ZNF254: variants seen among roughly 807,000 people sequenced by gnomAD.
ZNF254 encodes zinc finger protein 254.
A neutral mutation model predicts 12.4 loss-of-function variants in ZNF254; 10 were observed. The ratio of observed to expected loss-of-function variants is 0.80; its 90% confidence interval spans 0.50 to 1.36. The LOEUF (loss-of-function observed/expected upper bound fraction) is 1.36. Among genes scored for constraint, ZNF254 ranks in the 40% most tolerant of loss-of-function variants. The pLI, the probability that ZNF254 is intolerant of heterozygous loss-of-function variation, is 0.00. For missense variants in ZNF254, 996 were observed against 763.9 expected, an observed-to-expected ratio of 1.30 and a Z score of -3.58; for synonymous variants, 305 against 253.4, an observed-to-expected ratio of 1.20 and a Z score of -1.93.
At chr19:24,120,545 T>C (rs1292483804) in intron 3 of ZNF254, among the ~76,000 whole-genome samples, 2 of 152,172 alleles carry the variant, frequency 1.3e-5, no homozygotes, top group Non-Finnish European at 2.9e-5. Context: ...TAAAGATTTC[T>C]ACATTTGTAT....
chr19:24,073,622 G>A (rs146527290), intron 2 of ZNF254, among the ~76,000 whole-genome samples: 4 of 152,248 alleles, frequency 2.6e-5, no homozygotes, highest in Admixed American at 6.5e-5. Flanking sequence ...TTTGGAGGTA[G>A]CCAAAAGCTG....
rs1555753129 is a variant in ZNF254 at position 24,055,232 on chromosome 19, A to AAAAAAAAAAAAAAAAAAAAAAAAG, written c.-94+8953_-94+8954insAAAAAAAAAAAAAAAAAAAAAAAG. 1.2e-4 allele frequency among the ~76,000 whole-genome samples: 15 copies of AAAAAAAAAAAAAAAAAAAAAAAAG among 122,542 alleles called. 1 individual carries two copies. The highest frequency in any genetic ancestry group is 1.8e-4 in the Non-Finnish European group (10 of 55,432). 80.4% of individuals were successfully genotyped at this position (122,542 alleles called of 152,430 possible). On this transcript the variant is annotated intron_variant, in intron 2 of 4. Transcript: ENST00000613065. ...AAAAAAAAAAAAAAAAAAAAAAAAA[A>AAAAAAAAAAAAAAAAAAAAAAAAG]GAGTGTACTAACAAGACCCAGCACA...
chr19:24,047,246 C>CT (rs1043034292), intron 2 of ZNF254, among the ~76,000 whole-genome samples: 10 of 151,524 alleles, frequency 6.6e-5, no homozygotes, highest in Admixed American at 1.3e-4. Flanking sequence ...TTCTCTCTTC[C>CT]TTTTTTTTGT....
chr19:24,106,494 G>T, intron 2 of ZNF254, 54 bp from the exon 3 acceptor site: 1 of 1,408,862 alleles, frequency 7.1e-7, no homozygotes, highest in Non-Finnish European at 9.8e-7. Flanking sequence ...ACATTACTAA[G>T]TTGGTAATTG....
chr19:24,110,667 C>A lies in ZNF254; in HGVS notation c.253+4024C>A, dbSNP rs189391227. ...ATCTTGTAAAACTAAAACTCAATAT[C>A]CCTTAAATAACATTTACCTATTTTA... On this transcript the variant is annotated intron_variant, in intron 3 of 3. Coordinates refer to ENST00000357002, the MANE Select transcript of ZNF254 (RefSeq NM_203282.4). Among the ~76,000 whole-genome samples the A allele has an allele frequency of 1.8e-3, 268 of 152,230 alleles. 3 individuals carry two copies. The East Asian group carries it at 0.034, about 20-fold the overall frequency.
At chr19:24,043,387 G>A (rs139890865) in intron 1 of ZNF254, among the ~76,000 whole-genome samples, 134 of 152,060 alleles carry the variant, frequency 8.8e-4, no homozygotes, top group Non-Finnish European at 1.5e-3. Flanking sequence ...TCAGCCTCCC[G>A]AGTAGCTGGT....
chr19:24,056,616 T>C (rs1970867095), intron 2 of ZNF254, among the ~76,000 whole-genome samples: 1 of 152,204 alleles, frequency 6.6e-6, no homozygotes, highest in Non-Finnish European at 1.5e-5. Flanking sequence ...GACATATCTT[T>C]AAGAGCATCA....
intron 2 of ZNF254, among the ~76,000 whole-genome samples, chr19:24,076,238 T>A (rs1971653725): frequency 6.6e-6 from 1 of 152,218 alleles, no homozygotes; most frequent in Non-Finnish European, 1.5e-5. Flanking sequence ...CTTCACAATT[T>A]CTGTTCAGAG....
intron 1 of ZNF254, among the ~76,000 whole-genome samples, chr19:24,090,431 G>A (rs1972303455): frequency 6.6e-6 from 1 of 152,050 alleles, no homozygotes. Context: ...CACTTATTTT[G>A]ACCTAAGGCT....
At chr19:24,103,720 T>G (rs770186864) in intron 1 of ZNF254, 1 of 148,884 alleles carries the variant, frequency 6.7e-6, no homozygotes, top group Non-Finnish European at 1.5e-5. Context: ...TTCTTTCCTT[T>G]TCTTTTTCTT....
At chr19:24,053,373 G>A (rs751697284) in intron 2 of ZNF254, among the ~76,000 whole-genome samples, 1 of 152,090 alleles carries the variant, frequency 6.6e-6, no homozygotes, top group African/African-American at 2.4e-5. Context: ...CTCATACCTC[G>A]ACCTTAATTC....
At chr19:24,035,665 C>T (rs930531222) in intron 1 of ZNF254, among the ~76,000 whole-genome samples, 4 of 151,840 alleles carry the variant, frequency 2.6e-5, no homozygotes, top group South Asian at 4.2e-4. Context: ...GAGCGAGACT[C>T]GGTCTCAAAG....
chr19:24,035,079 G>C (rs2145151607), intron 1 of ZNF254, among the ~76,000 whole-genome samples: 1 of 152,354 alleles, frequency 6.6e-6, no homozygotes, highest in Non-Finnish European at 1.5e-5. Context: ...GAAAAAAAGT[G>C]GGAAGGGGAG....
intron 1 of ZNF254, among the ~76,000 whole-genome samples, chr19:24,095,443 A>C (rs1328428104): frequency 6.6e-6 from 1 of 152,200 alleles, no homozygotes; most frequent in Non-Finnish European, 1.5e-5. Flanking sequence ...TGCTTAAAAT[A>C]GTTTCTGTAG....
intron 2 of ZNF254, among the ~76,000 whole-genome samples, chr19:24,052,896 G>A (rs1459566563): frequency 6.6e-6 from 1 of 152,174 alleles, no homozygotes; most frequent in Admixed American, 6.5e-5. Flanking sequence ...AGGAAAATGA[G>A]TAATGTCTTG....
chr19:24,079,953 T>C (rs974359941), intron 2 of ZNF254: 2 of 152,192 alleles, frequency 1.3e-5, no homozygotes, highest in Non-Finnish European at 2.9e-5. Flanking sequence ...AGCTTTGTTT[T>C]AATAGTGTTT....
chr19:24,035,360 A>T (rs1969926369), intron 1 of ZNF254, among the ~76,000 whole-genome samples: 3 of 152,068 alleles, frequency 2.0e-5, no homozygotes, highest in Non-Finnish European at 4.4e-5. Flanking sequence ...GCGGGGTTTC[A>T]CCATGTTGGC....
intron 2 of ZNF254, among the ~76,000 whole-genome samples, chr19:24,059,348 C>T (rs1458296486): frequency 6.6e-6 from 1 of 152,154 alleles, no homozygotes; most frequent in Non-Finnish European, 1.5e-5. Flanking sequence ...TATTGTGTGG[C>T]CCAGAACTTA....
In ZNF254 at chr19:24,058,569, G is replaced by A. The variant is rs1441764766; in HGVS notation, c.-94+12290G>A. Among the ~76,000 whole-genome samples, 3 of 151,944 alleles carry A rather than the reference G, an allele frequency of 2.0e-5. No individual in the cohort carries two copies. The East Asian group carries it at 5.8e-4, about 29-fold the overall frequency. On this transcript the variant is annotated intron_variant, in intron 2 of 4. Coordinates refer to the ZNF254 transcript ENST00000613065. ...ATTACAGGCATGCGCCACCACGCCTGGCTAATTTTTGTATTTTTAGTAGAG... is the reference window on the plus strand; with the variant it reads ...ATTACAGGCATGCGCCACCACGCCTAGCTAATTTTTGTATTTTTAGTAGAG...
Sources: gnomAD v4.1 joint callset for allele counts (sites outside exome capture counted in the v4.1 genomes callset) on GRCh38, gnomAD v4.1.1 for gene constraint, MANE v1.5 for transcripts, NCBI Gene and HGNC (gene_info 2026-07-23, HGNC 2026-07-21) for gene names.